The following DAAM1 variants were observed in gnomAD, a reference collection of about 807,000 sequenced individuals.
DAAM1 encodes dishevelled associated activator of morphogenesis 1.
A neutral mutation model predicts 130.0 loss-of-function variants in DAAM1; 52 were observed. That is an observed-to-expected ratio of 0.40 (90% confidence interval 0.32 to 0.50). The LOEUF (loss-of-function observed/expected upper bound fraction) is 0.50, where lower values mean the gene tolerates loss of function less well. DAAM1 is among the 20% of genes least tolerant of loss of function. DAAM1 has a pLI of 0.61. For synonymous variants in DAAM1, 452 were observed against 444.5 expected (o/e 1.02, Z -0.21); for missense variants, 1,134 against 1,303.8 (o/e 0.87, Z 2.01).
chr14:59,241,660 G>T (rs1474850582), intron 1 of DAAM1, among the ~76,000 whole-genome samples: 1 of 152,194 alleles, frequency 6.6e-6, no homozygotes, highest in Non-Finnish European at 1.5e-5. Flanking sequence ...AACATCGGAA[G>T]CAGAAGGAAG....
At chr14:59,314,297 A>T (rs1884701736) in intron 3 of DAAM1, among the ~76,000 whole-genome samples, 1 of 152,168 alleles carries the variant, frequency 6.6e-6, no homozygotes, top group South Asian at 2.1e-4. Context: ...TGGGATATCC[A>T]TTGTCCTCAG....
intron 1 of DAAM1, among the ~76,000 whole-genome samples, chr14:59,253,381 G>A (rs1310918780): frequency 6.6e-6 from 1 of 152,228 alleles, no homozygotes; most frequent in Non-Finnish European, 1.5e-5. Flanking sequence ...TTACCAGAGA[G>A]TGAGGCTAAT....
intron 3 of DAAM1, among the ~76,000 whole-genome samples, chr14:59,301,099 A>T (rs545123592): frequency 1.3e-5 from 2 of 151,950 alleles, no homozygotes; most frequent in Non-Finnish European, 2.9e-5. Flanking sequence ...AAGGAAACTA[A>T]TATCTCATTG....
rs143047374 is a variant in DAAM1 at position 59,208,883 on chromosome 14, C to G, written c.-38+20115C>G. ...GTTTAGGACCTTCCCCTATCTTTCT[C>G]TTGCTCCTTCTCTGGCCATGTGATG... On this transcript the variant is annotated intron_variant, in intron 1 of 24. Coordinates refer to ENST00000360909, the MANE Select transcript of DAAM1 (RefSeq NM_001270520.2). Among the ~76,000 whole-genome samples the G allele has an allele frequency of 5.6e-3, 856 of 152,284 alleles. 1 individual carries two copies. Among genetic ancestry groups the G allele is most frequent in the Non-Finnish European group, 9.1e-3 (621 of 68,030 alleles).
intron 17 of DAAM1, among the ~76,000 whole-genome samples, chr14:59,350,004 G>A (rs986468986): frequency 3.9e-5 from 6 of 152,058 alleles, no homozygotes; most frequent in Non-Finnish European, 7.4e-5. Context: ...CCAAGCTGAG[G>A]GAGGCTGGGG....
chr14:59,309,827 C>T lies in DAAM1; in HGVS notation c.274-5453C>T, dbSNP rs547058695. On this transcript the variant is annotated intron_variant, in intron 3 of 24. Coordinates refer to ENST00000360909, the MANE Select transcript of DAAM1 (RefSeq NM_001270520.2). Reference sequence around the variant, plus strand: ...AGTTAGCAGAAATTACTAGCAAGGCCGCCCACAAATATTTTTACATCTTCC... The same window carrying T: ...AGTTAGCAGAAATTACTAGCAAGGCTGCCCACAAATATTTTTACATCTTCC... Among the ~76,000 whole-genome samples the T allele has an allele frequency of 3.9e-5, 6 of 152,294 alleles. No homozygotes were observed. In the South Asian group the frequency reaches 8.3e-4, roughly 21 times the overall value.
intron 13 of DAAM1, 82 bp downstream of exon 13, chr14:59,330,770 A>G: frequency 7.5e-7 from 1 of 1,333,594 alleles, no homozygotes; most frequent in Non-Finnish European, 1.0e-6. Context: ...AGAGAACTTC[A>G]TACTGGGGGA....
chr14:59,323,043 G>A lies in DAAM1; in HGVS notation c.592G>A (p.Val198Ile), dbSNP rs1389496704. The change falls in exon 6 of 25, where the codon GTC (valine) becomes ATC (isoleucine). Residue 198 changes from valine (V) to isoleucine (I), a missense_variant. By Grantham distance (29) the Val-to-Ile change is conservative. Transcript: ENST00000360909. ...LMNNSQGRAHVLAHSESINVI... is the reference protein window; with the variant it reads ...LMNNSQGRAHILAHSESINVI... ...GAACAACTCTCAAGGCCGGGCTCAC[G>A]TCCTGGCTCATTCTGAGAGTATTAA... 5 of 1,613,948 alleles carry A rather than the reference G, an allele frequency of 3.1e-6. No individual in the cohort carries two copies. The highest frequency in any genetic ancestry group is 1.3e-5 in the African/African-American group (1 of 74,890).
chr14:59,313,634 C>T (rs190582773), intron 3 of DAAM1, among the ~76,000 whole-genome samples: 17 of 152,232 alleles, frequency 1.1e-4, no homozygotes, highest in Non-Finnish European at 2.4e-4. Flanking sequence ...GCACCTTCTG[C>T]TTCATTTTAT....
chr14:59,299,917 A>G (rs1427298702), intron 3 of DAAM1: 1 of 152,190 alleles, frequency 6.6e-6, no homozygotes, highest in Non-Finnish European at 1.5e-5. Flanking sequence ...GTGCTTCAGC[A>G]TGCTACTGAC....
At chr14:59,330,999 A>G (rs1885406723) in intron 13 of DAAM1, among the ~76,000 whole-genome samples, 1 of 152,176 alleles carries the variant, frequency 6.6e-6, no homozygotes, top group South Asian at 2.1e-4. Context: ...TGCATCCCAG[A>G]CAAGTACTTG....
At chr14:59,313,051 T>A (rs1315044546) in intron 3 of DAAM1, among the ~76,000 whole-genome samples, 2 of 152,186 alleles carry the variant, frequency 1.3e-5, no homozygotes, top group Non-Finnish European at 2.9e-5. Context: ...ATTAGAGAAA[T>A]AATAAAATTA....
chr14:59,239,645 G>C (rs2578257), intron 1 of DAAM1, among the ~76,000 whole-genome samples: 132,720 of 152,036 alleles, frequency 0.87, 58,946 homozygotes, highest in East Asian at 1. Flanking sequence ...CCCCCACCCC[G>C]ATCCTTGTTA....
At chr14:59,360,292 A>T (rs185874796) in intron 21 of DAAM1, among the ~76,000 whole-genome samples, 56 of 152,354 alleles carry the variant, frequency 3.7e-4, no homozygotes, top group African/African-American at 1.3e-3. Flanking sequence ...GAAAATAAAA[A>T]CTAGTTAATA....
chr14:59,313,696 T>C (rs1884679322), intron 3 of DAAM1, among the ~76,000 whole-genome samples: 1 of 152,228 alleles, frequency 6.6e-6, no homozygotes, highest in Non-Finnish European at 1.5e-5. Context: ...TTAAATACAT[T>C]GGTAAGAGTG....
chr14:59,201,733 G>T (rs1198569665), intron 1 of DAAM1, among the ~76,000 whole-genome samples: 1 of 151,374 alleles, frequency 6.6e-6, no homozygotes, highest in Non-Finnish European at 1.5e-5. Flanking sequence ...GGCAGAGGTT[G>T]CAGTGAGCCA....
chr14:59,345,613 G>A (rs1365573724), intron 16 of DAAM1, among the ~76,000 whole-genome samples: 1 of 152,152 alleles, frequency 6.6e-6, no homozygotes, highest in Non-Finnish European at 1.5e-5. Flanking sequence ...AGGCATCCTT[G>A]GTGGGGTGCC....
intron 2 of DAAM1, among the ~76,000 whole-genome samples, chr14:59,278,588 T>G (rs1256540590): frequency 1.3e-5 from 2 of 152,166 alleles, no homozygotes; most frequent in African/African-American, 4.8e-5. Context: ...CTACTATACT[T>G]TTCTGTAGAG....
At chr14:59,240,033 TAC>T (rs1347751890) in intron 1 of DAAM1, among the ~76,000 whole-genome samples, 3 of 152,192 alleles carry the variant, frequency 2.0e-5, no homozygotes, top group African/African-American at 4.8e-5. Flanking sequence ...GTAAAACCAA[TAC>T]AGTCTTCTGT....
Sources: gnomAD v4.1 joint callset for allele counts (sites outside exome capture counted in the v4.1 genomes callset) on GRCh38, gnomAD v4.1.1 for gene constraint, MANE v1.5 for transcripts, NCBI Gene and HGNC (gene_info 2026-07-23, HGNC 2026-07-21) for gene names.